BATF: variants seen among roughly 807,000 people sequenced by gnomAD.
The protein encoded by BATF is basic leucine zipper ATF-like transcription factor, also known as basic leucine zipper transcriptional factor ATF-like.
A neutral mutation model predicts 13.7 loss-of-function variants in BATF; 5 were observed. The ratio of observed to expected loss-of-function variants is 0.36; its 90% CI spans 0.19 to 0.77. BATF has a LOEUF of 0.77. Ranked by LOEUF, BATF falls within the 30% of genes least tolerant of loss-of-function variation. BATF has a pLI of 0.51. For synonymous variants in BATF, 72 were observed against 67.5 expected (o/e 1.07, Z -0.33); for missense variants, 124 against 163.0 (o/e 0.76, Z 1.30).
At chr14:75,538,415 C>T (rs139404243) in intron 2 of BATF, among the ~76,000 whole-genome samples, 28 of 152,286 alleles carry the variant, frequency 1.8e-4, no homozygotes, top group African/African-American at 6.5e-4. Flanking sequence ...GTTTAAGGCT[C>T]TCCGGGTGCT....
At chr14:75,527,955 C>G (rs1174601993) in intron 2 of BATF, among the ~76,000 whole-genome samples, 2 of 152,234 alleles carry the variant, frequency 1.3e-5, no homozygotes, top group Non-Finnish European at 2.9e-5. Flanking sequence ...GCAACGTGTT[C>G]AATCTGCCCT....
intron 2 of BATF, among the ~76,000 whole-genome samples, chr14:75,544,791 A>AT (rs1887956670): frequency 6.9e-5 from 3 of 43,552 alleles, no homozygotes; most frequent in South Asian, 1.4e-3. Context: ...TTTGAACTGA[A>AT]ATTTTTTTTT....
At chr14:75,540,162 C>G (rs1226904969) in intron 2 of BATF, among the ~76,000 whole-genome samples, 2 of 152,168 alleles carry the variant, frequency 1.3e-5, no homozygotes, top group East Asian at 3.9e-4. Context: ...AGCCTCAGCC[C>G]TGCTCAGGGT....
chr14:75,523,356 C>T (rs568900681), intron 1 of BATF, among the ~76,000 whole-genome samples: 6 of 152,180 alleles, frequency 3.9e-5, no homozygotes, highest in Admixed American at 1.3e-4. Context: ...CAGCCAATAT[C>T]TCTTTGCTTG....
intron 2 of BATF, among the ~76,000 whole-genome samples, chr14:75,526,841 A>T (rs1887661543): frequency 6.6e-6 from 1 of 152,190 alleles, no homozygotes; most frequent in African/African-American, 2.4e-5. Flanking sequence ...TCAGAGTCTG[A>T]TTCTGATTCA....
intron 2 of BATF, among the ~76,000 whole-genome samples, chr14:75,542,326 G>A (rs920853537): frequency 6.6e-6 from 1 of 152,232 alleles, no homozygotes; most frequent in African/African-American, 2.4e-5. Flanking sequence ...GATGAATTCT[G>A]AATAGGAGAA....
At chr14:75,530,349 A>G (rs1887715645) in intron 2 of BATF, among the ~76,000 whole-genome samples, 1 of 152,206 alleles carries the variant, frequency 6.6e-6, no homozygotes, top group African/African-American at 2.4e-5. Context: ...TTATAGGTGC[A>G]CATACCCTGC....
chr14:75,531,907 G>T (rs1023282174), intron 2 of BATF, among the ~76,000 whole-genome samples: 2 of 152,190 alleles, frequency 1.3e-5, no homozygotes, highest in African/African-American at 4.8e-5. Flanking sequence ...GGTCAGGAAT[G>T]TTCAGGCTAG....
chr14:75,544,521 C>G (rs1198203400), intron 2 of BATF, among the ~76,000 whole-genome samples: 3 of 137,182 alleles, frequency 2.2e-5, no homozygotes, highest in African/African-American at 8.2e-5. Context: ...GCCAAGATCA[C>G]ACTACTGCAC....
intron 2 of BATF, among the ~76,000 whole-genome samples, chr14:75,530,569 G>A (rs1887718132): frequency 2.6e-5 from 4 of 152,212 alleles, no homozygotes; most frequent in Admixed American, 2.6e-4. Context: ...ACATCTGAAT[G>A]TGCTAATCTG....
intron 2 of BATF, among the ~76,000 whole-genome samples, chr14:75,529,532 G>A (rs1262382466): frequency 2.0e-5 from 3 of 152,132 alleles, no homozygotes; most frequent in African/African-American, 7.2e-5. Flanking sequence ...ATCTTGGAAT[G>A]AGGAATTATT....
chr14:75,531,588 G>C (rs907059580), intron 2 of BATF, among the ~76,000 whole-genome samples: 3 of 152,162 alleles, frequency 2.0e-5, no homozygotes, highest in African/African-American at 7.2e-5. Context: ...CCTCCTGAAG[G>C]AGTCTCACAC....
rs1162218076 is a variant in BATF at position 75,539,424 on chromosome 14, ATTTTTTTTT to A, written c.169-7019_169-7011del. Among the ~76,000 whole-genome samples the A allele has an allele frequency of 3.4e-4, 20 of 58,552 alleles. No homozygotes were observed. In the South Asian group the frequency reaches 7.4e-3, roughly 22 times the overall value. The allele number at this position is 58,552 out of a possible 152,430, so 38.4% of individuals were successfully genotyped here. On this transcript the variant is annotated intron_variant, in intron 2 of 2. Coordinates refer to ENST00000286639, the MANE Select transcript of BATF (RefSeq NM_006399.5). ...TAGCTACAAGGTAAGGTAAGCTGGA[ATTTTTTTTT>A]TTTTTTTTTTTTTTTTTTAGCAATT...
At chr14:75,525,300 G>A (rs1227993320) in intron 2 of BATF, 112 bp downstream of exon 2, 5 of 1,184,502 alleles carry the variant, frequency 4.2e-6, no homozygotes, top group Admixed American at 4.1e-5. Context: ...GTGTATGTGG[G>A]GTGGGTTAGT....
intron 2 of BATF, among the ~76,000 whole-genome samples, chr14:75,535,575 A>G (rs1331412393): frequency 6.6e-6 from 1 of 151,948 alleles, no homozygotes; most frequent in Non-Finnish European, 1.5e-5. Context: ...AGCTGAAGGA[A>G]CTCTGGAGGA....
chr14:75,540,565 G>A (rs1887881775), intron 2 of BATF, among the ~76,000 whole-genome samples: 1 of 152,210 alleles, frequency 6.6e-6, no homozygotes, highest in African/African-American at 2.4e-5. Context: ...AGAAAGGATG[G>A]AGGGCACAGA....
At chr14:75,525,860 C>T (rs1408099122) in intron 2 of BATF, among the ~76,000 whole-genome samples, 1 of 152,114 alleles carries the variant, frequency 6.6e-6, no homozygotes, top group African/African-American at 2.4e-5. Context: ...AGTCGCATCC[C>T]TTGGCAGAGA....
chr14:75,529,976 AT>A (rs1261715193), intron 2 of BATF, among the ~76,000 whole-genome samples: 1 of 150,994 alleles, frequency 6.6e-6, no homozygotes, highest in Non-Finnish European at 1.5e-5. Flanking sequence ...AGGCAGGAGA[AT>A]GGCGTGAACC....
chr14:75,544,913 C>T (rs1887959330), intron 2 of BATF, among the ~76,000 whole-genome samples: 1 of 150,846 alleles, frequency 6.6e-6, no homozygotes, highest in African/African-American at 2.4e-5. Flanking sequence ...AAAATTATAC[C>T]GGAATTGCGA....
Sources: gnomAD v4.1 joint callset for allele counts (sites outside exome capture counted in the v4.1 genomes callset) on GRCh38, gnomAD v4.1.1 for gene constraint, MANE v1.5 for transcripts, NCBI Gene and HGNC (gene_info 2026-07-23, HGNC 2026-07-21) for gene names.